The following RBBP8 variants were observed in gnomAD, a reference collection of about 807,000 sequenced individuals.
RBBP8 encodes the protein DNA endonuclease RBBP8.
RBBP8 carries 88 observed loss-of-function variants against 108.3 expected under a neutral mutation model. The ratio of observed to expected loss-of-function variants is 0.81; its 90% CI spans 0.68 to 0.97. The LOEUF is 0.97. Among genes scored for constraint, RBBP8 ranks in the 50% least tolerant of loss-of-function variants. The probability of loss-of-function intolerance (pLI) is 0.00; values close to 1 mark genes in which losing one functional copy is unlikely to be tolerated. For missense variants in RBBP8, 1,023 were observed against 1,049.0 expected, an observed-to-expected ratio of 0.98 and a Z score of 0.34; for synonymous variants, 332 against 348.2, an observed-to-expected ratio of 0.95 and a Z score of 0.52.
Position 22,949,697 on chromosome 18 carries a change from A to T in RBBP8, c.232A>T (p.Lys78Ter). The T allele has an allele frequency of 6.2e-7, 1 of 1,611,632 alleles. No homozygotes were observed. Among genetic ancestry groups the T allele is most frequent in the Non-Finnish European group, 8.5e-7 (1 of 1,177,864 alleles). The change falls in exon 4 of 19, where the codon AAA (lysine) becomes TAA (stop). Residue 78 changes from lysine (K) to a stop codon, truncating the protein, a stop_gained. Coordinates refer to ENST00000327155, the MANE Select transcript of RBBP8 (RefSeq NM_002894.3). LOFTEE classifies it high-confidence loss of function. The stretch of plus-strand genomic sequence containing the variant: ...GCAGAAAGTCCTTCATGAAACCATT[A>T]AAGTTTTAGAAGATCGGTGAGTCTG... Reference protein sequence around the residue: ...EQQKVLHETIKVLEDRLRAGL... With the variant: ...EQQKVLHETI
In RBBP8 at chr18:22,962,716, A is replaced by G. The variant is rs531204015; in HGVS notation, c.249-6090A>G. Among the ~76,000 whole-genome samples the G allele has an allele frequency of 4.8e-4, 57 of 119,474 alleles. 1 individual carries two copies. The highest frequency in any genetic ancestry group is 1.4e-3 in the African/African-American group (46 of 31,754). 78.4% of individuals were successfully genotyped at this position (119,474 alleles called of 152,430 possible). Reference sequence around the variant, plus strand: ...CCTCCTCTCCACCCCCCCTACCTCAACCTCCCTAGTAGCTGGGACTACAGG... The same window carrying G: ...CCTCCTCTCCACCCCCCCTACCTCAGCCTCCCTAGTAGCTGGGACTACAGG... On this transcript the variant is annotated intron_variant, in intron 4 of 18. Coordinates refer to ENST00000327155, the MANE Select transcript of RBBP8 (RefSeq NM_002894.3).
chr18:22,967,132 G>A (rs56307331), intron 4 of RBBP8, among the ~76,000 whole-genome samples: 77,553 of 151,956 alleles, frequency 0.51, 22,374 homozygotes, highest in Middle Eastern at 0.7. Context: ...TTTGGGAGGC[G>A]GAAGCAAGCG....
chr18:22,955,097 T>C (rs539904171), intron 4 of RBBP8, among the ~76,000 whole-genome samples: 2 of 152,364 alleles, frequency 1.3e-5, no homozygotes, highest in African/African-American at 4.8e-5. Context: ...CTTTTCTCTT[T>C]AAGATCTATT....
At chr18:22,968,451 G>A (rs923259141) in intron 4 of RBBP8, among the ~76,000 whole-genome samples, 2 of 152,168 alleles carry the variant, frequency 1.3e-5, no homozygotes, top group Non-Finnish European at 2.9e-5. Flanking sequence ...GACATACTGT[G>A]CTGAGCAAAG....
chr18:22,943,772 T>TAC (rs200462486), intron 2 of RBBP8, among the ~76,000 whole-genome samples: 3 of 151,512 alleles, frequency 2.0e-5, no homozygotes, highest in Non-Finnish European at 4.4e-5. Context: ...ACATACATTT[T>TAC]ATATATATAT....
At chr18:23,001,832 A>C in intron 15 of RBBP8, 103 bp downstream of exon 15, 2 of 1,416,482 alleles carry the variant, frequency 1.4e-6, no homozygotes, top group Non-Finnish European at 2.0e-6. Context: ...CAACAATTGA[A>C]GTTTCATATT....
At chr18:22,947,580 T>C (rs1911675936) in intron 3 of RBBP8, among the ~76,000 whole-genome samples, 1 of 152,106 alleles carries the variant, frequency 6.6e-6, no homozygotes, top group Non-Finnish European at 1.5e-5. Flanking sequence ...AGGAAAATGA[T>C]ACTGAGTTTT....
intron 1 of RBBP8, 94 bp from the exon 2 acceptor site, chr18:22,936,660 G>T: frequency 1.6e-6 from 1 of 611,036 alleles, no homozygotes; most frequent in Non-Finnish European, 2.8e-6. Context: ...TAAGGAAATG[G>T]TAAATGAGGA....
chr18:22,925,849 T>C (rs920143114), intron 3 of RBBP8, among the ~76,000 whole-genome samples: 1 of 152,224 alleles, frequency 6.6e-6, no homozygotes, highest in Non-Finnish European at 1.5e-5. Flanking sequence ...AATACTTTAA[T>C]AGACAAAATG....
At chr18:22,935,392 AAAAC>A (rs1425942176) in intron 1 of RBBP8, among the ~76,000 whole-genome samples, 2 of 151,684 alleles carry the variant, frequency 1.3e-5, no homozygotes, top group Non-Finnish European at 2.9e-5. Flanking sequence ...TTCTAAAAAA[AAAAC>A]AAACAAAACC....
upstream of RBBP8, among the ~76,000 whole-genome samples, chr18:22,931,320 A>G (rs1227013851): frequency 6.6e-6 from 1 of 152,178 alleles, no homozygotes; most frequent in Non-Finnish European, 1.5e-5. Context: ...AGGACAGAAA[A>G]TGTCTGGAAA....
intron 3 of RBBP8, among the ~76,000 whole-genome samples, chr18:22,948,550 A>T (rs769960219): frequency 1.3e-5 from 2 of 152,156 alleles, no homozygotes; most frequent in Non-Finnish European, 2.9e-5. Flanking sequence ...TTCAATTAAT[A>T]TAAACTTTTC....
intron 2 of RBBP8, among the ~76,000 whole-genome samples, chr18:22,943,437 AAAT>A (rs914309108): frequency 2.0e-5 from 3 of 151,902 alleles, no homozygotes; most frequent in Non-Finnish European, 2.9e-5. Flanking sequence ...CCTGTCTCAA[AAAT>A]AATAATAATA....
chr18:22,924,127 GTTTT>G (rs33978854), intron 3 of RBBP8, among the ~76,000 whole-genome samples: 18 of 108,234 alleles, frequency 1.7e-4, no homozygotes, highest in Admixed American at 5.8e-4. Flanking sequence ...TTTGTTTTTG[GTTTT>G]TTTTTTTTTT....
chr18:23,011,752 A>G (rs763694505), intron 16 of RBBP8, among the ~76,000 whole-genome samples: 1 of 151,950 alleles, frequency 6.6e-6, no homozygotes, highest in Non-Finnish European at 1.5e-5. Flanking sequence ...TGCTGTTATT[A>G]TAAGTGTTTT....
At position 22,980,245 on chromosome 18, in the gene RBBP8, C is replaced by CA. The variant is rs961513562; in HGVS notation, c.429-1964dup. On this transcript the variant is annotated intron_variant, in intron 6 of 18. Coordinates refer to ENST00000327155, the MANE Select transcript of RBBP8 (RefSeq NM_002894.3). Reference sequence around the variant, plus strand: ...TGGGCAAAAGAGCAAGACTCAGACTCAAAAAAAAATCTAAATAAATAAAAA... The same window carrying CA: ...TGGGCAAAAGAGCAAGACTCAGACTCAAAAAAAAAATCTAAATAAATAAAAA... 1.5e-4 allele frequency among the ~76,000 whole-genome samples: 22 copies of CA among 149,874 alleles called. No homozygotes were observed. In the South Asian group the frequency reaches 1.5e-3, roughly 10 times the overall value.
intron 2 of RBBP8, among the ~76,000 whole-genome samples, chr18:22,945,464 C>T (rs181032407): frequency 2.0e-3 from 304 of 151,904 alleles, no homozygotes; most frequent in Middle Eastern, 0.017. Flanking sequence ...CTCAGCTCAC[C>T]GCAGCCTCTG....
At chr18:22,938,699 A>G (rs1195477796) in intron 2 of RBBP8, among the ~76,000 whole-genome samples, 1 of 152,236 alleles carries the variant, frequency 6.6e-6, no homozygotes, top group Admixed American at 6.5e-5. Flanking sequence ...CTGTGATCTT[A>G]GCCTAATTAC....
At chr18:22,956,537 G>T (rs1011015350) in intron 4 of RBBP8, among the ~76,000 whole-genome samples, 3 of 152,028 alleles carry the variant, frequency 2.0e-5, no homozygotes, top group Admixed American at 2.0e-4. Flanking sequence ...GTCTTGCTGC[G>T]TTGATCATAG....
Sources: allele counts gnomAD v4.1 joint callset (sites outside exome capture counted in the v4.1 genomes callset), GRCh38; gene constraint gnomAD v4.1.1; transcripts MANE v1.5; gene names NCBI Gene and HGNC (gene_info 2026-07-23, HGNC 2026-07-21).